Variants in RANBP2 observed in about 807,000 individuals in gnomAD.
The protein encoded by RANBP2 is E3 SUMO-protein ligase RanBP2.
Under a neutral mutation model 303.6 loss-of-function variants are expected in RANBP2, and 57 were observed. The ratio of observed to expected loss-of-function variants is 0.19; its 90% CI spans 0.15 to 0.23. The LOEUF is 0.23. RANBP2 is among the 10% of genes least tolerant of loss of function. The probability of loss-of-function intolerance (pLI) is 1.00; values close to 1 mark genes in which losing one functional copy is unlikely to be tolerated. For synonymous variants in RANBP2, 1,167 were observed against 1,301.5 expected, an observed-to-expected ratio of 0.90 and a Z score of 2.23; for missense variants, 3,138 against 3,780.8, an observed-to-expected ratio of 0.83 and a Z score of 4.46.
At chr2:109,075,930 CA>C in the RANBP2 span, among the ~76,000 whole-genome samples, 1 of 150,602 alleles carries the variant, frequency 6.6e-6, no homozygotes, top group Non-Finnish European at 1.5e-5. Flanking sequence ...GAAACACTTC[CA>C]AACTCATTTT....
chr2:108,864,074 C>G, the RANBP2 span, among the ~76,000 whole-genome samples: 2 of 152,042 alleles, frequency 1.3e-5, no homozygotes, highest in African/African-American at 4.8e-5. Flanking sequence ...ATGTGTTACA[C>G]TAGTGTGTAA....
At chr2:108,804,616 G>A in the RANBP2 span, among the ~76,000 whole-genome samples, 3 of 152,124 alleles carry the variant, frequency 2.0e-5, no homozygotes, top group African/African-American at 7.2e-5. Flanking sequence ...GGATTTTTCT[G>A]AGCAGAAGCA....
the RANBP2 span, among the ~76,000 whole-genome samples, chr2:109,003,416 CTT>C: frequency 6.9e-6 from 1 of 144,546 alleles, no homozygotes. Flanking sequence ...TTTTTTTCTT[CTT>C]TTTTTTTTTG....
chr2:109,423,636 G>T, the RANBP2 span, among the ~76,000 whole-genome samples: 2 of 152,176 alleles, frequency 1.3e-5, no homozygotes, highest in Admixed American at 1.3e-4. Flanking sequence ...CGAAGGCCTG[G>T]ATCAGCGAAA....
At chr2:108,735,884 A>C in intron 5 of RANBP2, 122 bp downstream of exon 5, 1 of 1,557,780 alleles carries the variant, frequency 6.4e-7, no homozygotes. Context: ...AACAGTTATA[A>C]AATGAAATTT....
At chr2:109,602,893 C>A in the RANBP2 span, among the ~76,000 whole-genome samples, 3 of 136,816 alleles carry the variant, frequency 2.2e-5, no homozygotes, top group Non-Finnish European at 4.6e-5. Context: ...CATAGGCAGA[C>A]CCTGTCTCAA....
At chr2:108,831,566 A>G in the RANBP2 span, among the ~76,000 whole-genome samples, 3 of 152,216 alleles carry the variant, frequency 2.0e-5, no homozygotes, top group South Asian at 2.1e-4. Context: ...GAAGAAACTG[A>G]AAGTCAGATA....
chr2:109,721,858 C>A, the RANBP2 span, among the ~76,000 whole-genome samples: 7 of 152,198 alleles, frequency 4.6e-5, no homozygotes, highest in Non-Finnish European at 7.3e-5. Context: ...TGCCCCAATT[C>A]CCACCAGCCT....
At chr2:109,382,520 G>A in the RANBP2 span, among the ~76,000 whole-genome samples, 4 of 152,238 alleles carry the variant, frequency 2.6e-5, no homozygotes, top group African/African-American at 4.8e-5. Context: ...ATGCCCTTCC[G>A]TCTTGCAGCT....
the RANBP2 span, among the ~76,000 whole-genome samples, chr2:108,871,931 A>G: frequency 6.6e-6 from 1 of 152,072 alleles, no homozygotes; most frequent in African/African-American, 2.4e-5. Context: ...AGTGATCAAG[A>G]CTAGTCCTTT....
the RANBP2 span, among the ~76,000 whole-genome samples, chr2:109,282,935 A>G: frequency 5.3e-5 from 8 of 152,082 alleles, no homozygotes; most frequent in Non-Finnish European, 1.2e-4. Context: ...CAGTGTACCA[A>G]TGGTGGCATT....
chr2:109,145,700 G>A, the RANBP2 span, among the ~76,000 whole-genome samples: 1 of 152,164 alleles, frequency 6.6e-6, no homozygotes, highest in Non-Finnish European at 1.5e-5. Flanking sequence ...CAGGTCTTGG[G>A]TGTTCTCACA....
the RANBP2 span, among the ~76,000 whole-genome samples, chr2:109,072,292 A>G: frequency 1.3e-5 from 2 of 152,210 alleles, no homozygotes; most frequent in Non-Finnish European, 2.9e-5. Context: ...TTCCTGAATC[A>G]GTGCATCAGT....
chr2:108,921,349 G>A, the RANBP2 span, among the ~76,000 whole-genome samples: 2 of 152,202 alleles, frequency 1.3e-5, no homozygotes, highest in African/African-American at 2.4e-5. Flanking sequence ...CCTCAGCCAG[G>A]GGCCCTTGGC....
the RANBP2 span, among the ~76,000 whole-genome samples, chr2:109,401,050 A>G: frequency 1.3e-5 from 2 of 152,170 alleles, no homozygotes; most frequent in African/African-American, 4.8e-5. Flanking sequence ...GTGTGTGTGC[A>G]CATCTGGGGG....
At position 108,731,251 on chromosome 2, in the gene RANBP2, A is replaced by G. The variant is rs556493258; in HGVS notation, c.253-71A>G. On this transcript the variant is annotated intron_variant, in intron 3 of 28. Coordinates refer to ENST00000283195, the MANE Select transcript of RANBP2 (RefSeq NM_006267.5). ...AGTGATAATTTTTTAACCTTTATATATAAGTATATATACTCCTACATACAT... is the reference window on the plus strand; with the variant it reads ...AGTGATAATTTTTTAACCTTTATATGTAAGTATATATACTCCTACATACAT... 17 of 1,549,964 alleles carry G rather than the reference A, an allele frequency of 1.1e-5. No homozygotes were observed. In the African/African-American group the frequency reaches 1.3e-4, roughly 11 times the overall value.
At chr2:108,810,851 C>T in the RANBP2 span, among the ~76,000 whole-genome samples, 1 of 152,144 alleles carries the variant, frequency 6.6e-6, no homozygotes, top group African/African-American at 2.4e-5. Flanking sequence ...TACTACAATT[C>T]AATCTTGTTA....
chr2:109,536,177 C>A, the RANBP2 span, among the ~76,000 whole-genome samples: 8 of 152,156 alleles, frequency 5.3e-5, no homozygotes, highest in African/African-American at 1.9e-4. Context: ...GACCACCATC[C>A]TCCAGACCCC....
rs543973289 is a variant in RANBP2, at chr2:108,772,245, T to C, written c.8021-244T>C. 8.5e-5 allele frequency among the ~76,000 whole-genome samples: 13 copies of C among 152,252 alleles called. No individual in the cohort carries two copies. The East Asian group carries it at 2.1e-3, about 25-fold the overall frequency. On this transcript the variant is annotated intron_variant, in intron 21 of 28. Coordinates refer to ENST00000283195, the MANE Select transcript of RANBP2 (RefSeq NM_006267.5). ...TAAATAAAAGTCTCAATAGAATCAGTTGGACAGTGGTATATAGTATTGGGT... is the reference window on the plus strand; with the variant it reads ...TAAATAAAAGTCTCAATAGAATCAGCTGGACAGTGGTATATAGTATTGGGT...
Sources: gnomAD v4.1 joint callset for allele counts (sites outside exome capture counted in the v4.1 genomes callset) on GRCh38, gnomAD v4.1.1 for gene constraint, MANE v1.5 for transcripts, NCBI Gene and HGNC (gene_info 2026-07-23, HGNC 2026-07-21) for gene names.